The following EPS15L1 variants were observed in gnomAD, a reference collection of about 807,000 sequenced individuals.
The protein encoded by EPS15L1 is epidermal growth factor receptor pathway substrate 15 like 1.
In EPS15L1, 43 loss-of-function variants were observed where a neutral mutation model predicts 117.1. That is an observed-to-expected ratio of 0.37 (90% CI 0.29 to 0.47). The LOEUF (loss-of-function observed/expected upper bound fraction) is 0.47, where lower values mean the gene tolerates loss of function less well. Ranked by LOEUF, EPS15L1 falls within the 20% of genes least tolerant of loss-of-function variation. The pLI is 0.99. For synonymous variants in EPS15L1, 459 were observed against 470.5 expected (o/e 0.98, Z 0.32); for missense variants, 981 against 1,164.0 (o/e 0.84, Z 2.29).
Position 16,413,923 on chromosome 19 carries a change from A to AC in EPS15L1, c.1194-79dup. On this transcript the variant is annotated intron_variant, in intron 12 of 23. Coordinates refer to ENST00000455140, the MANE Select transcript of EPS15L1 (RefSeq NM_001258374.3). Reference sequence around the variant, plus strand: ...CCCTTCCCAAGGCCTGATTCTGTTCACCCCCACAAAAGCCCCTCTGTGTGC... The same window carrying AC: ...CCCTTCCCAAGGCCTGATTCTGTTCACCCCCCACAAAAGCCCCTCTGTGTGC... 4 of 1,097,382 alleles carry AC rather than the reference A, an allele frequency of 3.6e-6. No homozygotes were observed. The South Asian group carries it at 3.9e-5, about 11-fold the overall frequency. 68.0% of individuals were successfully genotyped at this position (1,097,382 alleles called of 1,614,324 possible).
At chr19:16,410,030 A>G (rs2092692797) in intron 13 of EPS15L1, among the ~76,000 whole-genome samples, 1 of 151,930 alleles carries the variant, frequency 6.6e-6, no homozygotes, top group Non-Finnish European at 1.5e-5. Flanking sequence ...GCTACTCGGG[A>G]AGCCGAGGCA....
At chr19:16,447,939 A>C (rs1322065479) in intron 1 of EPS15L1, among the ~76,000 whole-genome samples, 1 of 152,200 alleles carries the variant, frequency 6.6e-6, no homozygotes, top group Non-Finnish European at 1.5e-5. Context: ...AATCTGAGAA[A>C]CAGACACACA....
intron 22 of EPS15L1, among the ~76,000 whole-genome samples, chr19:16,376,508 C>T (rs2092297554): frequency 6.6e-6 from 1 of 152,174 alleles, no homozygotes; most frequent in Admixed American, 6.5e-5. Context: ...GTAGGAAGTC[C>T]CCTCCTCAGA....
Position 16,365,905 on chromosome 19 carries a change from G to C in EPS15L1, c.2381-3921C>G, listed in dbSNP as rs187399969. 4.3e-4 allele frequency among the ~76,000 whole-genome samples: 66 copies of C among 152,328 alleles called. No individual in the cohort carries two copies. The highest frequency in any genetic ancestry group is 1.5e-3 in the African/African-American group (61 of 41,570). ...GGCTTCAGGAGGTCCTGGTGAACCA[G>C]GTGCCACCTGTTACAGATTCCACGG... is the stretch of plus-strand genomic sequence containing the variant. On this transcript the variant is annotated intron_variant, in intron 22 of 23. Coordinates refer to ENST00000455140, the MANE Select transcript of EPS15L1 (RefSeq NM_001258374.3). The surrounding 1 kb of genome is among the most constrained non-coding windows in gnomAD (Gnocchi z 4.9).
chr19:16,415,729 C>T (rs2092752269), intron 12 of EPS15L1, among the ~76,000 whole-genome samples: 1 of 152,236 alleles, frequency 6.6e-6, no homozygotes, highest in Non-Finnish European at 1.5e-5. Flanking sequence ...CCTGTCACCT[C>T]CACATTGGGG....
intron 11 of EPS15L1, 54 bp from the exon 12 acceptor site, chr19:16,417,691 C>T: frequency 6.8e-7 from 1 of 1,459,994 alleles, no homozygotes; most frequent in Middle Eastern, 1.8e-4. Flanking sequence ...CATCACCTGA[C>T]AGGAGGCACC....
At chr19:16,461,530 G>C (rs1221668609) in intron 1 of EPS15L1, among the ~76,000 whole-genome samples, 2 of 150,982 alleles carry the variant, frequency 1.3e-5, no homozygotes, top group Non-Finnish European at 2.9e-5. Context: ...GCTGAGGCTG[G>C]AAAATCACTT....
intron 22 of EPS15L1, among the ~76,000 whole-genome samples, chr19:16,374,859 A>C (rs1025055546): frequency 6.6e-6 from 1 of 152,260 alleles, no homozygotes. Context: ...GTATGAGCAC[A>C]CACGCACGCA....
In EPS15L1 at chr19:16,355,301, T is replaced by C. The variant is rs893594034; in HGVS notation, c.*404A>G. ...TTCAAACTTCATTTTATACAACGAG[T>C]GCATACACCACTGGGGGAGTGTCTG... is the stretch of plus-strand genomic sequence containing the variant. On this transcript the variant is annotated 3_prime_UTR_variant, in exon 24 of 24. Transcript: ENST00000455140. The C allele has an allele frequency of 5.6e-6, 1 of 177,132 alleles. No individual in the cohort carries two copies. Among genetic ancestry groups the C allele is most frequent in the Non-Finnish European group, 1.0e-5 (1 of 95,298 alleles). 11.0% of individuals were successfully genotyped at this position (177,132 alleles called of 1,614,324 possible).
At chr19:16,364,220 G>A (rs1274890141) in intron 22 of EPS15L1, among the ~76,000 whole-genome samples, 3 of 152,232 alleles carry the variant, frequency 2.0e-5, no homozygotes, top group Non-Finnish European at 4.4e-5. Flanking sequence ...CCAAGGCCCA[G>A]TTAGCAGAGG....
intron 10 of EPS15L1, 113 bp downstream of exon 10, chr19:16,421,206 G>A (rs751565778): frequency 2.5e-6 from 3 of 1,219,260 alleles, no homozygotes; most frequent in African/African-American, 3.0e-5. Context: ...GCCAGACACA[G>A]CGGAAGCCTG....
chr19:16,380,516 C>T (rs929147572), intron 21 of EPS15L1, among the ~76,000 whole-genome samples: 1 of 151,682 alleles, frequency 6.6e-6, no homozygotes, highest in East Asian at 1.9e-4. Flanking sequence ...CTCACACACA[C>T]GCAGCCATCT....
At chr19:16,410,339 G>A (rs2092695707) in intron 13 of EPS15L1, among the ~76,000 whole-genome samples, 1 of 152,132 alleles carries the variant, frequency 6.6e-6, no homozygotes, top group South Asian at 2.1e-4. Context: ...CACCACGACG[G>A]CTAGAAGGAA....
intron 22 of EPS15L1, among the ~76,000 whole-genome samples, chr19:16,363,561 T>C (rs2092089912): frequency 6.6e-6 from 1 of 152,200 alleles, no homozygotes; most frequent in Admixed American, 6.5e-5. Context: ...CCTTGTGGGC[T>C]CCGGGGCTAC....
chr19:16,368,352 C>T (rs2092168934), intron 22 of EPS15L1, among the ~76,000 whole-genome samples: 1 of 152,154 alleles, frequency 6.6e-6, no homozygotes, highest in Non-Finnish European at 1.5e-5. Flanking sequence ...GCACAAGCAT[C>T]ATTGATCCTA....
intron 2 of EPS15L1, 26 bp downstream of exon 2, chr19:16,442,152 T>C: frequency 1.2e-6 from 2 of 1,603,466 alleles, no homozygotes; most frequent in Non-Finnish European, 1.7e-6. Flanking sequence ...TCTAGTTCCA[T>C]CTGAAGAGAC....
chr19:16,395,268 C>T, intron 17 of EPS15L1, 76 bp downstream of exon 17: 5 of 1,284,408 alleles, frequency 3.9e-6, no homozygotes, highest in Non-Finnish European at 4.3e-6. Flanking sequence ...CCTTACTTTT[C>T]TAGTTGAAGA....
At chr19:16,452,002 G>A (rs147069576) in intron 1 of EPS15L1, among the ~76,000 whole-genome samples, 12 of 150,220 alleles carry the variant, frequency 8.0e-5, no homozygotes, top group Admixed American at 4.6e-4. Context: ...AGCTGGGTGC[G>A]GTGGCGTGCA....
At chr19:16,422,193 C>T (rs970420091) in intron 9 of EPS15L1, among the ~76,000 whole-genome samples, 3 of 152,238 alleles carry the variant, frequency 2.0e-5, no homozygotes, top group African/African-American at 4.8e-5. Context: ...CGACCCCTCT[C>T]GCCACCAGCT....
Sources: allele counts gnomAD v4.1 joint callset (sites outside exome capture counted in the v4.1 genomes callset), GRCh38; gene constraint gnomAD v4.1.1; non-coding constraint Gnocchi (gnomAD v3.1); transcripts MANE v1.5; gene names NCBI Gene and HGNC (gene_info 2026-07-23, HGNC 2026-07-21).